APLP2: variants seen among roughly 807,000 people sequenced by gnomAD.
APLP2 encodes the protein CDEI box-binding protein.
APLP2 carries 53 observed loss-of-function variants against 89.9 expected under a neutral mutation model. That is an observed-to-expected ratio of 0.59 (90% CI 0.47 to 0.74). The LOEUF (loss-of-function observed/expected upper bound fraction) is 0.74. APLP2 is among the 30% of genes least tolerant of loss of function. The pLI, the probability that APLP2 is intolerant of heterozygous loss-of-function variation, is 0.00. For missense variants in APLP2, 973 were observed against 975.9 expected, an observed-to-expected ratio of 1.00 and a Z score of 0.04; for synonymous variants, 372 against 348.6, an observed-to-expected ratio of 1.07 and a Z score of -0.75.
At position 130,130,098 on chromosome 11, in the gene APLP2, C is replaced by T. The variant is rs1462215816; in HGVS notation, c.1516C>T (p.His506Tyr). ...CCGTGCTGAGAACAAAGATCGCTTA[C>T]ATACCATCCGTCATTACCAGCATGT... ...YVRAENKDRLHTIRHYQHVLA... is the reference protein window; with the variant it reads ...YVRAENKDRLYTIRHYQHVLA... The change falls in exon 11 of 17, where the codon CAT (histidine) becomes TAT (tyrosine). Residue 506 changes from histidine (H) to tyrosine (Y), a missense_variant. Transcript: ENST00000338167. The T allele has an allele frequency of 6.2e-7, 1 of 1,614,260 alleles. No homozygotes were observed. Among genetic ancestry groups the T allele is most frequent in the South Asian group, 1.1e-5 (1 of 91,090 alleles).
chr11:130,088,524 A>G (rs1944447026), intron 1 of APLP2, among the ~76,000 whole-genome samples: 1 of 152,056 alleles, frequency 6.6e-6, no homozygotes, highest in South Asian at 2.1e-4. Flanking sequence ...CCAGATACTC[A>G]TGCTTGCTCC....
At chr11:130,094,532 G>T (rs916979053) in intron 1 of APLP2, among the ~76,000 whole-genome samples, 2 of 152,324 alleles carry the variant, frequency 1.3e-5, no homozygotes, top group Middle Eastern at 3.4e-3. Context: ...CTGCACAAAG[G>T]ATTGGGAAGA....
chr11:130,099,814 C>A (rs953291129), intron 1 of APLP2, among the ~76,000 whole-genome samples: 1 of 152,296 alleles, frequency 6.6e-6, no homozygotes, highest in African/African-American at 2.4e-5. Flanking sequence ...GGTTCAAGCC[C>A]CAGTTCTGCG....
intron 3 of APLP2, among the ~76,000 whole-genome samples, chr11:130,119,300 G>A (rs760568041): frequency 1.3e-5 from 2 of 152,196 alleles, no homozygotes; most frequent in Admixed American, 6.5e-5. Context: ...TCTACACTGT[G>A]TGGAGCACAT....
chr11:130,118,525 T>C (rs761716893), intron 3 of APLP2, among the ~76,000 whole-genome samples: 5 of 152,326 alleles, frequency 3.3e-5, no homozygotes, highest in South Asian at 4.1e-4. Context: ...ATACTTTTCC[T>C]TTAGCATCCA....
At position 130,090,711 on chromosome 11, in the gene APLP2, C is replaced by A. The variant is rs377358401; in HGVS notation, c.106-18718C>A. On this transcript the variant is annotated intron_variant, in intron 1 of 16. Coordinates refer to ENST00000338167, the MANE Select transcript of APLP2 (RefSeq NM_001142276.2). ...ATCCGATTTCTCAATCCCTTCCCCACCTTTCCTGCCCCTCCACTCCACAAA... is the reference window on the plus strand; with the variant it reads ...ATCCGATTTCTCAATCCCTTCCCCAACTTTCCTGCCCCTCCACTCCACAAA... 2.5e-3 allele frequency among the ~76,000 whole-genome samples: 387 copies of A among 152,322 alleles called. 1 individual carries two copies. The highest frequency in any genetic ancestry group is 8.8e-3 in the African/African-American group (364 of 41,578).
intron 1 of APLP2, among the ~76,000 whole-genome samples, chr11:130,090,920 C>G (rs1259741455): frequency 1.4e-5 from 2 of 146,688 alleles, no homozygotes; most frequent in Non-Finnish European, 3.0e-5. Context: ...CCCTCCCGGA[C>G]GGGGCGGCTG....
intron 13 of APLP2, chr11:130,137,147 T>G: frequency 2.0e-6 from 2 of 1,000,516 alleles, no homozygotes; most frequent in Non-Finnish European, 3.1e-6. Context: ...TACTTTTTGT[T>G]CACATTATAG....
intron 3 of APLP2, among the ~76,000 whole-genome samples, chr11:130,119,356 A>G (rs1014587190): frequency 1.3e-5 from 2 of 152,106 alleles, no homozygotes; most frequent in Non-Finnish European, 2.9e-5. Flanking sequence ...ACCTTACACT[A>G]CTGATCAGAG....
chr11:130,102,568 A>G (rs949325900), intron 1 of APLP2, among the ~76,000 whole-genome samples: 4 of 152,198 alleles, frequency 2.6e-5, no homozygotes, highest in Admixed American at 6.5e-5. Context: ...AGTAGCTTCA[A>G]TGAGGGCAGA....
At chr11:130,070,499 C>G (rs943434259) in intron 1 of APLP2, 2 of 1,203,344 alleles carry the variant, frequency 1.7e-6, no homozygotes, top group Admixed American at 4.4e-5. Flanking sequence ...GCGCGGACCC[C>G]GTACGCTCCC....
intron 7 of APLP2, among the ~76,000 whole-genome samples, chr11:130,125,619 G>A (rs941765994): frequency 2.0e-5 from 3 of 152,194 alleles, no homozygotes; most frequent in African/African-American, 7.2e-5. Context: ...TGGCTAATTT[G>A]TAGCTGTATT....
chr11:130,120,872 T>TC lies in APLP2; in HGVS notation c.516+54_516+55insC, dbSNP rs752012903. On this transcript the variant is annotated intron_variant, in intron 4 of 16. Coordinates refer to ENST00000338167, the MANE Select transcript of APLP2 (RefSeq NM_001142276.2). ...GCTGTTGTATCTGTTAGGAGGGAAG[T>TC]AGCACTTTTCTCCAAATCTCACCAT... 19 of 1,272,796 alleles carry TC rather than the reference T, an allele frequency of 1.5e-5. No individual in the cohort carries two copies. In the East Asian group the frequency reaches 4.4e-4, roughly 29 times the overall value. 78.8% of individuals were successfully genotyped at this position (1,272,796 alleles called of 1,614,324 possible). A position where few individuals can be genotyped will look rare whatever the true frequency, so the allele number is the denominator to read the frequency against.
intron 1 of APLP2, among the ~76,000 whole-genome samples, chr11:130,107,145 G>A (rs1230299599): frequency 2.0e-5 from 3 of 152,148 alleles, no homozygotes; most frequent in African/African-American, 7.2e-5. Flanking sequence ...TAAACACTTA[G>A]CATGTTGCTT....
intron 1 of APLP2, among the ~76,000 whole-genome samples, chr11:130,095,150 C>G (rs924989681): frequency 1.3e-5 from 2 of 152,218 alleles, no homozygotes; most frequent in Non-Finnish European, 2.9e-5. Flanking sequence ...GTAGTCCCAG[C>G]TCTTTGGGAG....
intron 12 of APLP2, 40 bp downstream of exon 12, chr11:130,133,768 C>G: frequency 6.8e-7 from 1 of 1,467,156 alleles, no homozygotes; most frequent in Admixed American, 1.7e-5. Flanking sequence ...TACGGGACTT[C>G]TTGCAGAGGC....
Position 130,123,195 on chromosome 11 carries a change from T to G in APLP2, c.923-417T>G, listed in dbSNP as rs1950018514. Among the ~76,000 whole-genome samples the G allele has an allele frequency of 6.6e-6, 1 of 152,188 alleles. No homozygotes were observed. The highest frequency in any genetic ancestry group is 2.1e-4 in the South Asian group (1 of 4,830). ...AGAGAACATAAAAGTGGGAAACAAT[T>G]GTCCGTTCTAGGTGCTTGTCTTTAC... On this transcript the variant is annotated intron_variant, in intron 6 of 16. Coordinates refer to ENST00000338167, the MANE Select transcript of APLP2 (RefSeq NM_001142276.2). The surrounding 1 kb of genome is among the most constrained non-coding windows in gnomAD (Gnocchi z 4.0).
At chr11:130,124,362 G>A (rs1300347563) in intron 7 of APLP2, among the ~76,000 whole-genome samples, 5 of 152,154 alleles carry the variant, frequency 3.3e-5, no homozygotes, top group African/African-American at 1.2e-4. Flanking sequence ...TTTGCAACCG[G>A]GTCACACAGC....
At position 130,120,836 on chromosome 11, in the gene APLP2, G is replaced by T. The variant is rs2135937766; in HGVS notation, c.516+18G>T. On this transcript the variant is annotated intron_variant, in intron 4 of 16. Coordinates refer to ENST00000338167, the MANE Select transcript of APLP2 (RefSeq NM_001142276.2). ...TCAAAGAGGTAAGAGAACTCGGGGGGAAAGTCAGCTGCTGTTGTATCTGTT... is the reference window on the plus strand; with the variant it reads ...TCAAAGAGGTAAGAGAACTCGGGGGTAAAGTCAGCTGCTGTTGTATCTGTT... 1 of 1,555,176 alleles carries T rather than the reference G, an allele frequency of 6.4e-7. No individual in the cohort carries two copies. The highest frequency in any genetic ancestry group is 8.9e-7 in the Non-Finnish European group (1 of 1,126,506).
Sources: allele counts gnomAD v4.1 joint callset (sites outside exome capture counted in the v4.1 genomes callset), GRCh38; gene constraint gnomAD v4.1.1; non-coding constraint Gnocchi (gnomAD v3.1); transcripts MANE v1.5; gene names NCBI Gene and HGNC (gene_info 2026-07-23, HGNC 2026-07-21).